The following RAB11FIP3 variants were observed in gnomAD, a reference collection of about 807,000 sequenced individuals.
RAB11FIP3 encodes RAB11 family interacting protein 3, also known as rab11 family-interacting protein 3.
Under a neutral mutation model 77.8 loss-of-function variants are expected in RAB11FIP3, and 17 were observed. The observed-to-expected ratio is 0.22, with a 90% confidence interval of 0.15 to 0.33. The LOEUF is 0.33. Ranked by LOEUF, RAB11FIP3 falls within the 10% of genes least tolerant of loss-of-function variation. The pLI, the probability that RAB11FIP3 is intolerant of heterozygous loss-of-function variation, is 1.00. For synonymous variants in RAB11FIP3, 437 were observed against 448.2 expected, an observed-to-expected ratio of 0.98 and a Z score of 0.31; for missense variants, 1,005 against 1,011.2, an observed-to-expected ratio of 0.99 and a Z score of 0.08.
intron 9 of RAB11FIP3, among the ~76,000 whole-genome samples, chr16:515,210 A>G (rs996501306): frequency 2.0e-5 from 3 of 152,224 alleles, no homozygotes; most frequent in Non-Finnish European, 2.9e-5. Flanking sequence ...TAGTTTTGAA[A>G]TTCAATAGAA....
chr16:516,336 G>A (rs979736471), intron 9 of RAB11FIP3, among the ~76,000 whole-genome samples: 3 of 152,158 alleles, frequency 2.0e-5, no homozygotes, highest in Non-Finnish European at 4.4e-5. Context: ...TTGGAGAAAT[G>A]GCCAGTTCTG....
At chr16:477,059 C>G (rs1389894981) in intron 3 of RAB11FIP3, among the ~76,000 whole-genome samples, 1 of 147,652 alleles carries the variant, frequency 6.8e-6, no homozygotes, top group Non-Finnish European at 1.5e-5. Context: ...GCACTCCAGC[C>G]TGGGTGACAG....
At chr16:518,767 C>T (rs1006878455) in intron 9 of RAB11FIP3, among the ~76,000 whole-genome samples, 176 bp from the exon 10 acceptor site, 3 of 152,164 alleles carry the variant, frequency 2.0e-5, no homozygotes, top group African/African-American at 4.8e-5. Flanking sequence ...TCAAGGATTA[C>T]GGAAAAGCTG....
At chr16:439,568 A>T (rs1216051213) in intron 1 of RAB11FIP3, among the ~76,000 whole-genome samples, 1 of 152,144 alleles carries the variant, frequency 6.6e-6, no homozygotes, top group Admixed American at 6.5e-5. Flanking sequence ...GGACCCACAA[A>T]ATCTGAGACA....
rs1011909537 is a variant in RAB11FIP3, at chr16:471,264, G to T, written c.809-31G>T. 1.3e-6 allele frequency: 2 copies of T among 1,585,636 alleles called. No homozygotes were observed. The highest frequency in any genetic ancestry group is 1.7e-6 in the Non-Finnish European group (2 of 1,155,530). ...TCCCGTCACTGGGTGGCTATGGGTGGCCTGTTGAGCACGAGGTCTTCTCCC... is the reference window on the plus strand; with the variant it reads ...TCCCGTCACTGGGTGGCTATGGGTGTCCTGTTGAGCACGAGGTCTTCTCCC... On this transcript the variant is annotated intron_variant, in intron 2 of 13. Coordinates refer to ENST00000262305, the MANE Select transcript of RAB11FIP3 (RefSeq NM_014700.4). This position sits in a 1 kb window ranked among gnomAD's most constrained non-coding sequence, Gnocchi z 4.4.
intron 4 of RAB11FIP3, 120 bp from the exon 5 acceptor site, chr16:488,731 G>C: frequency 4.1e-6 from 3 of 736,970 alleles, no homozygotes; most frequent in South Asian, 3.9e-5. Context: ...TTTTTTAAAC[G>C]TGGCTCCCAG....
In RAB11FIP3 at chr16:506,514, G is replaced by A. The variant is rs2031882647; in HGVS notation, c.1499+887G>A. 6.6e-6 allele frequency among the ~76,000 whole-genome samples: 1 copy of A among 152,208 alleles called. No homozygotes were observed. Among genetic ancestry groups the A allele is most frequent in the African/African-American group, 2.4e-5 (1 of 41,456 alleles). On this transcript the variant is annotated intron_variant, in intron 8 of 13. Coordinates refer to ENST00000262305, the MANE Select transcript of RAB11FIP3 (RefSeq NM_014700.4). The surrounding 1 kb of genome is among the most constrained non-coding windows in gnomAD (Gnocchi z 4.5). ...TCGGCCAAGGGCCCTGTCCCTTGAA[G>A]CTTCAGTGTCTTCATCACCACTGAG... is the stretch of plus-strand genomic sequence containing the variant.
At chr16:447,343 G>A (rs563134254) in intron 1 of RAB11FIP3, among the ~76,000 whole-genome samples, 32 of 151,776 alleles carry the variant, frequency 2.1e-4, no homozygotes, top group African/African-American at 7.0e-4. Flanking sequence ...GAGAGATGGC[G>A]TCTCGCTCTG....
chr16:512,036 C>T (rs1027841601), intron 9 of RAB11FIP3, among the ~76,000 whole-genome samples: 1 of 151,854 alleles, frequency 6.6e-6, no homozygotes, highest in East Asian at 1.9e-4. Flanking sequence ...ACAGCCCGCC[C>T]ACCCCAGAAC....
rs553621879 is a variant in RAB11FIP3 at position 443,131 on chromosome 16, T to C, written c.714+16411T>C. On this transcript the variant is annotated intron_variant, in intron 1 of 13. Coordinates refer to ENST00000262305, the MANE Select transcript of RAB11FIP3 (RefSeq NM_014700.4). The stretch of plus-strand genomic sequence containing the variant: ...AGGAAGCCAGCCCTGTGATGCATTT[T>C]AAGAGAAATACCAGTTAGTGAGGTT... 2.0e-5 allele frequency among the ~76,000 whole-genome samples: 3 copies of C among 152,262 alleles called. 1 individual carries two copies. In the South Asian group the frequency reaches 6.2e-4, roughly 32 times the overall value.
intron 5 of RAB11FIP3, among the ~76,000 whole-genome samples, chr16:491,470 G>C (rs1273608068): frequency 2.0e-5 from 3 of 152,256 alleles, no homozygotes; most frequent in Non-Finnish European, 2.9e-5. Context: ...GCCCAGGCCA[G>C]TGCTTGTCTT....
intron 1 of RAB11FIP3, among the ~76,000 whole-genome samples, chr16:431,560 AG>A (rs879692613): frequency 2.6e-5 from 4 of 151,832 alleles, no homozygotes; most frequent in Admixed American, 1.3e-4. Context: ...TTTTTAGTAG[AG>A]ACGGGGTTTC....
intron 1 of RAB11FIP3, among the ~76,000 whole-genome samples, chr16:456,645 C>G (rs1415415313): frequency 6.6e-6 from 1 of 152,054 alleles, no homozygotes; most frequent in Non-Finnish European, 1.5e-5. Flanking sequence ...GTAATCGCAA[C>G]TACTTGGGAG....
chr16:465,712 C>T (rs1455409039), intron 2 of RAB11FIP3, among the ~76,000 whole-genome samples: 4 of 152,068 alleles, frequency 2.6e-5, no homozygotes, highest in Non-Finnish European at 5.9e-5. Context: ...CAGGTTCAAG[C>T]GATTCTCCTG....
intron 1 of RAB11FIP3, among the ~76,000 whole-genome samples, chr16:456,807 C>T (rs752187823): frequency 7.9e-5 from 12 of 152,146 alleles, no homozygotes; most frequent in Admixed American, 1.3e-4. Flanking sequence ...CAAAACAAAA[C>T]GAGCACTTGT....
intron 5 of RAB11FIP3, among the ~76,000 whole-genome samples, chr16:492,412 C>T (rs2030487245): frequency 7.0e-6 from 1 of 143,760 alleles, no homozygotes; most frequent in African/African-American, 2.6e-5. Flanking sequence ...GACCCGAGGC[C>T]GCCCAGGGCC....
intron 13 of RAB11FIP3, 53 bp from the exon 14 acceptor site, chr16:520,673 G>A (rs1402331134): frequency 3.8e-5 from 62 of 1,611,596 alleles, no homozygotes; most frequent in East Asian, 8.9e-5. Flanking sequence ...TGGTTTATGC[G>A]CTGTGGCCTG....
At chr16:450,960 A>T (rs1411216192) in intron 1 of RAB11FIP3, among the ~76,000 whole-genome samples, 1 of 151,950 alleles carries the variant, frequency 6.6e-6, no homozygotes, top group Admixed American at 6.6e-5. Flanking sequence ...CTGTTACCGC[A>T]GCGCTCTGCC....
rs1288444351 is a variant in RAB11FIP3, at chr16:506,962, A to C, written c.1499+1335A>C. On this transcript the variant is annotated intron_variant, in intron 8 of 13. Transcript: ENST00000262305. The surrounding 1 kb of genome is among the most constrained non-coding windows in gnomAD (Gnocchi z 4.5). Reference sequence around the variant, plus strand: ...GAGAATCCGGGGGGCTGCCAGATGCACTTGTTTTGTTTTGTTTTTTGAGAG... The same window carrying C: ...GAGAATCCGGGGGGCTGCCAGATGCCCTTGTTTTGTTTTGTTTTTTGAGAG... 6.6e-6 allele frequency among the ~76,000 whole-genome samples: 1 copy of C among 151,944 alleles called. No individual in the cohort carries two copies. Among genetic ancestry groups the C allele is most frequent in the Non-Finnish European group, 1.5e-5 (1 of 67,968 alleles).
Sources: allele counts gnomAD v4.1 joint callset (sites outside exome capture counted in the v4.1 genomes callset), GRCh38; gene constraint gnomAD v4.1.1; non-coding constraint Gnocchi (gnomAD v3.1); transcripts MANE v1.5; gene names NCBI Gene and HGNC (gene_info 2026-07-23, HGNC 2026-07-21).